The following NINL variants were observed in gnomAD, a reference collection of about 807,000 sequenced individuals.
The protein encoded by NINL is ninein-like protein.
Under a neutral mutation model 160.3 loss-of-function variants are expected in NINL, and 153 were observed. The ratio of observed to expected loss-of-function variants is 0.95; its 90% CI spans 0.84 to 1.09. The LOEUF (loss-of-function observed/expected upper bound fraction) is 1.09. Ranked by LOEUF, NINL falls within the 50% of genes least tolerant of loss-of-function variation. The pLI, the probability that NINL is intolerant of heterozygous loss-of-function variation, is 0.00. For synonymous variants in NINL, 800 were observed against 734.8 expected (o/e 1.09, Z -1.43); for missense variants, 1,829 against 1,764.0 (o/e 1.04, Z -0.66).
intron 1 of NINL, among the ~76,000 whole-genome samples, chr20:25,563,035 G>A (rs984233458): frequency 2.0e-5 from 3 of 152,200 alleles, no homozygotes; most frequent in South Asian, 2.1e-4. Flanking sequence ...GCGTGGTGGC[G>A]GGCGCCTGTA....
intron 16 of NINL, among the ~76,000 whole-genome samples, chr20:25,478,433 C>G (rs1208880745): frequency 6.6e-6 from 1 of 152,226 alleles, no homozygotes; most frequent in African/African-American, 2.4e-5. Flanking sequence ...GACGTGGTCA[C>G]TTCACATGTA....
Position 25,455,801 on chromosome 20 carries a change from G to T in NINL, c.3844-15C>A, listed in dbSNP as rs1402991063. 15 of 1,608,372 alleles carry T rather than the reference G, an allele frequency of 9.3e-6. No individual in the cohort carries two copies. Among genetic ancestry groups the T allele is most frequent in the Non-Finnish European group, 1.3e-5 (15 of 1,174,940 alleles). On this transcript the variant is annotated splice_polypyrimidine_tract_variant and intron_variant, in intron 22 of 23. Transcript: ENST00000278886. Reference sequence around the variant, plus strand: ...TCATGTTCTTCCTGCCATAAAAGAAGGTTGCAGGTGGCCGGGCATGGTGGC... The same window carrying T: ...TCATGTTCTTCCTGCCATAAAAGAATGTTGCAGGTGGCCGGGCATGGTGGC...
intron 4 of NINL, among the ~76,000 whole-genome samples, chr20:25,512,147 A>G (rs2064081667): frequency 6.6e-6 from 1 of 152,180 alleles, no homozygotes; most frequent in South Asian, 2.1e-4. Context: ...TGACCCAGGG[A>G]GCCTGGGGGA....
intron 1 of NINL, among the ~76,000 whole-genome samples, chr20:25,561,064 C>T (rs903031652): frequency 9.6e-5 from 11 of 115,022 alleles, no homozygotes; most frequent in African/African-American, 3.4e-4. Flanking sequence ...CTCTCTCTTT[C>T]CACGGTCTCC....
intron 1 of NINL, among the ~76,000 whole-genome samples, chr20:25,569,347 C>T (rs1012552761): frequency 6.6e-6 from 1 of 152,074 alleles, no homozygotes; most frequent in Non-Finnish European, 1.5e-5. Context: ...AATAACTTAT[C>T]CTGCTGCAGG....
At chr20:25,524,764 G>A (rs367848458) in intron 2 of NINL, among the ~76,000 whole-genome samples, 16 of 152,176 alleles carry the variant, frequency 1.1e-4, no homozygotes, top group African/African-American at 1.4e-4. Flanking sequence ...TGGGAATGAC[G>A]TGGCTTATTC....
In NINL at chr20:25,522,818, A is replaced by G. The variant is rs567105433; in HGVS notation, c.180+3590T>C. On this transcript the variant is annotated intron_variant, in intron 2 of 23. Coordinates refer to ENST00000278886, the MANE Select transcript of NINL (RefSeq NM_025176.6). ...TACAGTTCACAAAAGGCGAGCGGCA[A>G]CCCCATATATTCAGGTATTTTACCA... 6.6e-5 allele frequency among the ~76,000 whole-genome samples: 10 copies of G among 152,086 alleles called. No individual in the cohort carries two copies. The East Asian group carries it at 1.9e-3, about 29-fold the overall frequency.
At chr20:25,579,245 T>G (rs13040726) in intron 1 of NINL, among the ~76,000 whole-genome samples, 54,815 of 151,948 alleles carry the variant, frequency 0.36, 10,855 homozygotes, top group Admixed American at 0.46. Context: ...CATGTGACCC[T>G]GAGTATGTTA....
chr20:25,526,378 TC>T (rs1568942850), intron 2 of NINL, 29 bp downstream of exon 2: 3 of 1,557,576 alleles, frequency 1.9e-6, no homozygotes, highest in East Asian at 2.3e-5. Flanking sequence ...CCCCGTGCTT[TC>T]CTTTATGACA....
At chr20:25,566,130 T>A (rs2064997898) in intron 1 of NINL, among the ~76,000 whole-genome samples, 1 of 152,158 alleles carries the variant, frequency 6.6e-6, no homozygotes, top group Non-Finnish European at 1.5e-5. Flanking sequence ...ACATACCTAT[T>A]ATCCATAAAT....
At chr20:25,524,364 TTATC>T (rs1218614173) in intron 2 of NINL, among the ~76,000 whole-genome samples, 3 of 152,160 alleles carry the variant, frequency 2.0e-5, no homozygotes, top group Non-Finnish European at 4.4e-5. Flanking sequence ...ACTTCTTAGT[TTATC>T]TAACATCTGA....
chr20:25,543,546 C>T (rs935272383), intron 1 of NINL, among the ~76,000 whole-genome samples: 4 of 152,156 alleles, frequency 2.6e-5, no homozygotes, highest in Admixed American at 6.5e-5. Context: ...TAACTTTCGA[C>T]GCCTAAGTAA....
intron 1 of NINL, among the ~76,000 whole-genome samples, chr20:25,553,804 C>T (rs768267553): frequency 1.5e-4 from 23 of 152,220 alleles, no homozygotes; most frequent in Non-Finnish European, 2.1e-4. Context: ...GGAGGTGACT[C>T]CGTTTCCTGC....
chr20:25,510,992 C>T (rs1039105314), intron 4 of NINL, among the ~76,000 whole-genome samples: 1 of 152,166 alleles, frequency 6.6e-6, no homozygotes, highest in South Asian at 2.1e-4. Flanking sequence ...TCTGCACGCT[C>T]GGGGCTCCTC....
chr20:25,547,119 CTGAG>C (rs1326472642), intron 1 of NINL, among the ~76,000 whole-genome samples: 2 of 152,126 alleles, frequency 1.3e-5, no homozygotes, highest in African/African-American at 4.8e-5. Flanking sequence ...TCAGAATTTC[CTGAG>C]TAATAGGGAA....
chr20:25,553,294 A>G (rs1236038293), intron 1 of NINL, among the ~76,000 whole-genome samples: 2 of 151,808 alleles, frequency 1.3e-5, no homozygotes, highest in Non-Finnish European at 2.9e-5. Flanking sequence ...GGCTTCAGAC[A>G]TACTGTTACA....
chr20:25,455,596 G>T, intron 23 of NINL, 77 bp downstream of exon 23: 1 of 1,014,064 alleles, frequency 9.9e-7, no homozygotes, highest in Non-Finnish European at 1.5e-6. Context: ...TCCTGTATTA[G>T]CTACCTGCAC....
rs540556504 is a variant in NINL at position 25,463,508 on chromosome 20, C to T, written c.3424-967G>A. Among the ~76,000 whole-genome samples, 79 of 152,322 alleles carry T rather than the reference C, an allele frequency of 5.2e-4. 1 individual carries two copies. The highest frequency in any genetic ancestry group is 1.9e-3 in the African/African-American group (78 of 41,570). The stretch of plus-strand genomic sequence containing the variant: ...TTTCAGCAAACGTTCATGAGGGGAA[C>T]CTGTGAGGGCGCAGTGCAGTGACAG... On this transcript the variant is annotated intron_variant, in intron 19 of 23. Coordinates refer to ENST00000278886, the MANE Select transcript of NINL (RefSeq NM_025176.6).
chr20:25,497,827 C>T (rs919126031), intron 9 of NINL, among the ~76,000 whole-genome samples: 5 of 152,148 alleles, frequency 3.3e-5, no homozygotes, highest in African/African-American at 7.2e-5. Flanking sequence ...TCTGTCCCTT[C>T]GAAACCTCAA....
Sources: gnomAD v4.1 joint callset for allele counts (sites outside exome capture counted in the v4.1 genomes callset) on GRCh38, gnomAD v4.1.1 for gene constraint, MANE v1.5 for transcripts, NCBI Gene and HGNC (gene_info 2026-07-23, HGNC 2026-07-21) for gene names.